Variants in ZNF239 observed in about 807,000 individuals in gnomAD.
The protein encoded by ZNF239 is zinc finger protein (C2H2) homologous to mouse MOK-2.
In ZNF239, 16 loss-of-function variants were observed where a neutral mutation model predicts 27.5. The observed-to-expected ratio is 0.58, with a 90% CI of 0.39 to 0.88. The LOEUF is 0.88. Among genes scored for constraint, ZNF239 ranks in the 40% least tolerant of loss-of-function variants. The pLI is 0.00. For synonymous variants in ZNF239, 199 were observed against 192.6 expected (o/e 1.03, Z -0.27); for missense variants, 527 against 551.9 (o/e 0.95, Z 0.45).
At position 43,557,090 on chromosome 10, in the gene ZNF239, C is replaced by T; in HGVS notation, c.990G>A (p.Gln330=). 6.2e-7 allele frequency: 1 copy of T among 1,612,750 alleles called. No homozygotes were observed. Among genetic ancestry groups the T allele is most frequent in the Non-Finnish European group, 8.5e-7 (1 of 1,179,128 alleles). The part of the protein sequence containing the change: ...ECEECGMSFS[Q]RSNLHIHQRV... ...GCTGGTGGATGTGCAGGTTTGAGCG[C>T]TGACTGAAGCTCATACCACACTCCT... Residue 330 remains glutamine, a synonymous_variant, in exon 4 of 4, where the codon CAG becomes CAA. Coordinates refer to ENST00000374446, the MANE Select transcript of ZNF239 (RefSeq NM_001099282.2).
rs1470378837 is a variant in ZNF239, at chr10:43,558,159, T to C, written c.-80A>G. ...CTGCTGAAGATTCTCCACAGAATTT[T>C]CATTCAAGTCTCCTAGGGAACAAAG... On this transcript the variant is annotated 5_prime_UTR_variant, in exon 4 of 4. Transcript: ENST00000374446. The C allele has an allele frequency of 1.3e-6, 2 of 1,487,926 alleles. No individual in the cohort carries two copies. Among genetic ancestry groups the C allele is most frequent in the African/African-American group, 1.4e-5 (1 of 70,788 alleles). The allele number at this position is 1,487,926 out of a possible 1,614,324, so 92.2% of individuals were successfully genotyped here.
Position 43,556,850 on chromosome 10 carries a change from C to T in ZNF239, c.1230G>A (p.Lys410=). The T allele has an allele frequency of 5.6e-6, 9 of 1,613,966 alleles. No individual in the cohort carries two copies. In the South Asian group the frequency reaches 8.8e-5, roughly 16 times the overall value. ...GGAGTTTGGAACTCTGGCTAAATCC[C>T]TTCCCACACTTGCCACAGTGATAGG... ...EKPYHCGKCG[K]GFSQSSKLLI... The change falls in exon 4 of 4, where the codon AAG becomes AAA. Residue 410 remains lysine, a synonymous_variant. Transcript: ENST00000374446.
At chr10:43,558,308 G>C (rs1836957266) in intron 3 of ZNF239, 137 bp from the exon 4 acceptor site, 1 of 761,404 alleles carries the variant, frequency 1.3e-6, no homozygotes, top group Non-Finnish European at 2.0e-6. Flanking sequence ...TTTGGGTTAA[G>C]GTCAGGTACA....
intron 3 of ZNF239, among the ~76,000 whole-genome samples, chr10:43,566,596 G>A (rs1352173406): frequency 6.6e-6 from 1 of 152,120 alleles, no homozygotes; most frequent in African/African-American, 2.4e-5. Flanking sequence ...ACTTTTCAGT[G>A]TTTTTTGTAG....
At chr10:43,565,240 C>A (rs998109498) in intron 3 of ZNF239, among the ~76,000 whole-genome samples, 1 of 152,056 alleles carries the variant, frequency 6.6e-6, no homozygotes, top group African/African-American at 2.4e-5. Context: ...CCCGCCACCA[C>A]GCCCAGCTAA....
At chr10:43,559,815 A>G (rs1213512109) in intron 3 of ZNF239, among the ~76,000 whole-genome samples, 1 of 152,208 alleles carries the variant, frequency 6.6e-6, no homozygotes, top group Non-Finnish European at 1.5e-5. Context: ...ACATTGAGGA[A>G]CTCCTAAATG....
At position 43,557,002 on chromosome 10, in the gene ZNF239, A is replaced by C; in HGVS notation, c.1078T>G (p.Ser360Ala). The change falls in exon 4 of 4, where the codon TCG (serine) becomes GCG (alanine). Residue 360 changes from serine (S) to alanine (A), a missense_variant. By Grantham distance (99) the Ser-to-Ala change is moderately conservative. Coordinates refer to ENST00000374446, the MANE Select transcript of ZNF239 (RefSeq NM_001099282.2). ...GECGKGFSQSSNLHIHRCIHT... is the reference protein window; with the variant it reads ...GECGKGFSQSANLHIHRCIHT... ...ATGCACCGGTGAATGTGAAGGTTCG[A>C]GCTCTGACTGAAGCCCTTCCCACAC... 4.3e-6 allele frequency: 7 copies of C among 1,613,888 alleles called. No homozygotes were observed. Among genetic ancestry groups the C allele is most frequent in the Non-Finnish European group, 4.2e-6 (5 of 1,179,992 alleles).
chr10:43,570,550 T>G (rs929593050), intron 2 of ZNF239: 1 of 985,138 alleles, frequency 1.0e-6, no homozygotes, highest in Non-Finnish European at 1.2e-6. Context: ...CCACCAATTA[T>G]CTTTTCTCTC....
intron 2 of ZNF239, 57 bp downstream of exon 2, chr10:43,573,580 T>C (rs1394290787): frequency 2.0e-6 from 2 of 978,664 alleles, no homozygotes; most frequent in Admixed American, 6.2e-5. Flanking sequence ...AAACAACACA[T>C]GGCACAGGGA....
chr10:43,568,047 CAACA>C (rs1456018176), intron 2 of ZNF239, 26 bp from the exon 3 acceptor site: 1 of 985,788 alleles, frequency 1.0e-6, no homozygotes, highest in Admixed American at 6.1e-5. Flanking sequence ...CATTCCTCCT[CAACA>C]AACAACCATC....
In ZNF239 at chr10:43,557,847, G is replaced by A. The variant is rs1836908424; in HGVS notation, c.233C>T (p.Ser78Leu). ...VSSQIDTQDS[S>L]VKFCKNEPQD... The stretch of plus-strand genomic sequence containing the variant: ...AGGCTCATTCTTACAGAACTTCACT[G>A]AAGAGTCTTGTGTGTCTATTTGGCT... Residue 78 changes from serine to leucine, a missense_variant, in exon 4 of 4, where the codon TCA becomes TTA. By Grantham distance (145) the Ser-to-Leu change is moderately radical (BLOSUM62 -2). Coordinates refer to ENST00000374446, the MANE Select transcript of ZNF239 (RefSeq NM_001099282.2). 1.2e-6 allele frequency: 2 copies of A among 1,614,090 alleles called. No individual in the cohort carries two copies. The highest frequency in any genetic ancestry group is 1.6e-4 in the Middle Eastern group (1 of 6,084).
intron 3 of ZNF239, among the ~76,000 whole-genome samples, chr10:43,565,321 T>C (rs1031053409): frequency 2.0e-5 from 3 of 152,084 alleles, no homozygotes; most frequent in African/African-American, 7.2e-5. Flanking sequence ...TGACCTCAGG[T>C]GATCCGCCCA....
chr10:43,571,809 A>T (rs1838054281), intron 2 of ZNF239, among the ~76,000 whole-genome samples: 1 of 152,144 alleles, frequency 6.6e-6, no homozygotes, highest in African/African-American at 2.4e-5. Context: ...CTCCCCACTC[A>T]GTCTCCCAAA....
intron 3 of ZNF239, among the ~76,000 whole-genome samples, chr10:43,559,749 C>T (rs1292827522): frequency 6.6e-6 from 1 of 151,652 alleles, no homozygotes; most frequent in Non-Finnish European, 1.5e-5. Context: ...ACTGAAATGA[C>T]AAGAAATCCA....
At position 43,556,444 on chromosome 10, in the gene ZNF239, G is replaced by C; in HGVS notation, c.*259C>G. ...TAAAGTTCTTGCCGTTAAAATGCTG[G>C]GTAGAACATGTAGTTGAATTGTAAA... On this transcript the variant is annotated 3_prime_UTR_variant, in exon 4 of 4. Transcript: ENST00000374446. The C allele has an allele frequency of 2.3e-6, 1 of 428,506 alleles. No homozygotes were observed. The highest frequency in any genetic ancestry group is 4.1e-6 in the Non-Finnish European group (1 of 242,450). 26.5% of individuals were successfully genotyped at this position (428,506 alleles called of 1,614,324 possible). A position where few individuals can be genotyped will look rare whatever the true frequency, so the allele number is the denominator to read the frequency against.
intron 3 of ZNF239, among the ~76,000 whole-genome samples, chr10:43,562,636 T>C (rs1837336299): frequency 6.6e-6 from 1 of 152,206 alleles, no homozygotes; most frequent in Non-Finnish European, 1.5e-5. Context: ...AGGTGAAAAC[T>C]GAGTGCCTTT....
Position 43,556,691 on chromosome 10 carries a change from G to T in ZNF239, c.*12C>A, listed in dbSNP as rs745768384. ...TATGAGCGCTGTGAAGACCTGAATG[G>T]GCTAATGTCAGTTAGCGAGGATCTT... On this transcript the variant is annotated 3_prime_UTR_variant, in exon 4 of 4. Coordinates refer to ENST00000374446, the MANE Select transcript of ZNF239 (RefSeq NM_001099282.2). 6.2e-7 allele frequency: 1 copy of T among 1,609,486 alleles called. No homozygotes were observed. The highest frequency in any genetic ancestry group is 1.1e-5 in the South Asian group (1 of 90,676).
chr10:43,568,192 C>G (rs1054305430), intron 2 of ZNF239, 171 bp from the exon 3 acceptor site: 31 of 985,400 alleles, frequency 3.1e-5, no homozygotes, highest in Non-Finnish European at 3.7e-5. Context: ...TCCTTTCTCA[C>G]TTACTTGGCT....
chr10:43,568,928 T>C (rs939915536), intron 2 of ZNF239, among the ~76,000 whole-genome samples: 2 of 152,142 alleles, frequency 1.3e-5, no homozygotes, highest in African/African-American at 4.8e-5. Context: ...TGTGTGCCTG[T>C]AGTCCCAGCT....
Sources: allele counts gnomAD v4.1 joint callset (sites outside exome capture counted in the v4.1 genomes callset), GRCh38; gene constraint gnomAD v4.1.1; transcripts MANE v1.5; gene names NCBI Gene and HGNC (gene_info 2026-07-23, HGNC 2026-07-21).